Variants in MIGA2 observed in about 807,000 individuals in gnomAD.
MIGA2 encodes the protein mitoguardin 2.
MIGA2 carries 36 observed loss-of-function variants against 69.9 expected under a neutral mutation model. The ratio of observed to expected loss-of-function variants is 0.52; its 90% CI spans 0.39 to 0.68. The LOEUF (loss-of-function observed/expected upper bound fraction) is 0.68, where lower values mean the gene tolerates loss of function less well. MIGA2 is among the 30% of genes least tolerant of loss of function. The pLI is 0.00. For missense variants in MIGA2, 660 were observed against 787.7 expected (o/e 0.84, Z 1.94); for synonymous variants, 333 against 349.2 (o/e 0.95, Z 0.52).
At position 129,048,530 on chromosome 9, in the gene MIGA2, T is replaced by C. The variant is rs746150312; in HGVS notation, c.411T>C (p.Ser137=). Residue 137 remains serine, a synonymous_variant, in exon 4 of 16, where the codon AGT becomes AGC. Coordinates refer to ENST00000684074, the MANE Select transcript of MIGA2 (RefSeq NM_001329990.2). ...EPSKHSGSSH[S]VASMMAVNSS... ...GCAAGCACTCGGGCTCCTCCCACAG[T>C]GTGGCCTCGGTGAGCAGCAGGTGCC... is the stretch of plus-strand genomic sequence containing the variant. 23 of 1,613,888 alleles carry C rather than the reference T, an allele frequency of 1.4e-5. No individual in the cohort carries two copies. Among genetic ancestry groups the C allele is most frequent in the Non-Finnish European group, 1.9e-5 (23 of 1,179,810 alleles).
Position 129,068,780 on chromosome 9 carries a change from A to C in MIGA2, c.1405-296A>C. On this transcript the variant is annotated intron_variant, in intron 13 of 15. Transcript: ENST00000684074. This position sits in a 1 kb window ranked among gnomAD's most constrained non-coding sequence, Gnocchi z 4.1. Reference sequence around the variant, plus strand: ...TCTGCGAGGTGGTTTACAGGCGGGAACCATTGCTCCCACAACCACCAAAGG... The same window carrying C: ...TCTGCGAGGTGGTTTACAGGCGGGACCCATTGCTCCCACAACCACCAAAGG... 4.2e-6 allele frequency: 2 copies of C among 474,958 alleles called. No homozygotes were observed. Among genetic ancestry groups the C allele is most frequent in the Admixed American group, 3.5e-5 (1 of 28,756 alleles). The allele number at this position is 474,958 out of a possible 1,614,324, so 29.4% of individuals were successfully genotyped here. A position where few individuals can be genotyped will look rare whatever the true frequency, so the allele number is the denominator to read the frequency against.
At chr9:129,063,069 G>A in intron 9 of MIGA2, 175 bp from the exon 10 acceptor site, 2 of 630,372 alleles carry the variant, frequency 3.2e-6, no homozygotes, top group Non-Finnish European at 5.6e-6. Flanking sequence ...CCTTTGGCCT[G>A]GGAAGACCAA....
In MIGA2 at chr9:129,050,041, G is replaced by A. The variant is rs888023982; in HGVS notation, c.675+78G>A. ...GGAGAGGGGCGGCCACACCTTGGGA[G>A]GCAGGCAGTCTCCTGTCCTCTGAGA... is the stretch of plus-strand genomic sequence containing the variant. On this transcript the variant is annotated intron_variant, in intron 6 of 15. Coordinates refer to ENST00000684074, the MANE Select transcript of MIGA2 (RefSeq NM_001329990.2). 1.5e-5 allele frequency: 23 copies of A among 1,532,390 alleles called. No homozygotes were observed. The East Asian group carries it at 4.1e-4, about 27-fold the overall frequency. 94.9% of individuals were successfully genotyped at this position (1,532,390 alleles called of 1,614,324 possible).
rs374679529 is a variant in MIGA2 at position 129,069,164 on chromosome 9, G to A, written c.1458+35G>A. ...TGGCAGGCCCGGGGGAGCACGAGCTGGGCTCTGAGGCAGCGTGGTGGGGAG... is the reference window on the plus strand; with the variant it reads ...TGGCAGGCCCGGGGGAGCACGAGCTAGGCTCTGAGGCAGCGTGGTGGGGAG... On this transcript the variant is annotated intron_variant, in intron 14 of 15. Coordinates refer to ENST00000684074, the MANE Select transcript of MIGA2 (RefSeq NM_001329990.2). The surrounding 1 kb of genome is among the most constrained non-coding windows in gnomAD (Gnocchi z 4.9). 1 of 1,613,012 alleles carries A rather than the reference G, an allele frequency of 6.2e-7. No homozygotes were observed. Among genetic ancestry groups the A allele is most frequent in the African/African-American group, 1.3e-5 (1 of 74,916 alleles).
rs764543418 is a variant in MIGA2 at position 129,070,402 on chromosome 9, C to A, written c.1731C>A (p.Gly577=). The change falls in exon 16 of 16, where the codon GGC becomes GGA. Residue 577 remains glycine, a synonymous_variant. Coordinates refer to ENST00000684074, the MANE Select transcript of MIGA2 (RefSeq NM_001329990.2). ...YLGVPAASSA[G]VNGALPRENG... The stretch of plus-strand genomic sequence containing the variant: ...GGGTGCCCGCGGCCAGCAGCGCAGG[C>A]GTGAATGGGGCGCTGCCCCGAGAGA... 9 of 1,609,704 alleles carry A rather than the reference C, an allele frequency of 5.6e-6. No individual in the cohort carries two copies. The Admixed American group carries it at 1.3e-4, about 24-fold the overall frequency.
rs1236110189 is a variant in MIGA2, at chr9:129,060,584, G to A, written c.828G>A (p.Ser276=). The A allele has an allele frequency of 5.0e-6, 8 of 1,605,896 alleles. No homozygotes were observed. The East Asian group carries it at 6.7e-5, about 13-fold the overall frequency. The change falls in exon 8 of 16, where the codon TCG becomes TCA. Residue 276 remains serine, a synonymous_variant. Transcript: ENST00000684074. The surrounding 1 kb of genome is among the most constrained non-coding windows in gnomAD (Gnocchi z 4.8). ...TCATGCTGCCCCTGACCGAGGGCTC[G>A]CTGCGGCTGCGGGCGGACGATGAGG... ...RTLMLPLTEG[S]LRLRADDEDS... is the part of the protein sequence containing the mutation.
intron 3 of MIGA2, among the ~76,000 whole-genome samples, chr9:129,045,941 C>T (rs1376405511): frequency 6.6e-6 from 1 of 151,550 alleles, no homozygotes; most frequent in Non-Finnish European, 1.5e-5. Context: ...GCAACCTCCG[C>T]CTCCCGGGTT....
rs758689072 is a variant in MIGA2 at position 129,049,837 on chromosome 9, G to A, written c.549G>A (p.Leu183=). ...AESLYMQGME[L]FEEALQKWEQ... ...CTCACCTGTGCTCAGGCATGGAGCTGTTTGAGGAAGCTCTGCAGAAGTGGG... is the reference window on the plus strand; with the variant it reads ...CTCACCTGTGCTCAGGCATGGAGCTATTTGAGGAAGCTCTGCAGAAGTGGG... Residue 183 remains leucine, a synonymous_variant, in exon 6 of 16, where the codon CTG becomes CTA. Transcript: ENST00000684074. 7 of 1,614,010 alleles carry A rather than the reference G, an allele frequency of 4.3e-6. No homozygotes were observed. The South Asian group carries it at 5.5e-5, about 13-fold the overall frequency.
intron 6 of MIGA2, among the ~76,000 whole-genome samples, chr9:129,058,444 A>G (rs917954922): frequency 6.8e-6 from 1 of 147,794 alleles, no homozygotes; most frequent in South Asian, 2.1e-4. Context: ...ATTTTCAACT[A>G]TGTGGGCACA....
intron 2 of MIGA2, 91 bp downstream of exon 2, chr9:129,040,781 G>C (rs1392895777): frequency 8.2e-7 from 1 of 1,221,302 alleles, no homozygotes; most frequent in African/African-American, 1.5e-5. Flanking sequence ...CTGAGCCCTC[G>C]TTCTTGCTTT....
chr9:129,056,865 C>A (rs756400276), intron 6 of MIGA2, among the ~76,000 whole-genome samples: 37 of 152,170 alleles, frequency 2.4e-4, no homozygotes, highest in Middle Eastern at 3.4e-3. Flanking sequence ...GAAACCCCAC[C>A]TTTACTAAAA....
chr9:129,063,417 C>T (rs1320099880), intron 10 of MIGA2, 101 bp downstream of exon 10: 6 of 1,538,994 alleles, frequency 3.9e-6, no homozygotes, highest in East Asian at 4.5e-5. Context: ...CCTGGCCAGG[C>T]CTGCTCCCAC....
In MIGA2 at chr9:129,070,683, G is replaced by A. The variant is rs1169823033; in HGVS notation, c.*230G>A. On this transcript the variant is annotated 3_prime_UTR_variant, in exon 16 of 16. Transcript: ENST00000684074. Reference sequence around the variant, plus strand: ...GGGAGAGAAAGGCTGTGAGAGAGGGGGTTGTTGTGGAGAATTGGGACAGGC... The same window carrying A: ...GGGAGAGAAAGGCTGTGAGAGAGGGAGTTGTTGTGGAGAATTGGGACAGGC... 29 of 553,172 alleles carry A rather than the reference G, an allele frequency of 5.2e-5. No homozygotes were observed. The highest frequency in any genetic ancestry group is 9.7e-4 in the Middle Eastern group (2 of 2,072). 34.3% of individuals were successfully genotyped at this position (553,172 alleles called of 1,614,324 possible).
At chr9:129,064,757 T>C (rs1268916596) in intron 11 of MIGA2, among the ~76,000 whole-genome samples, 1 of 151,614 alleles carries the variant, frequency 6.6e-6, no homozygotes, top group Non-Finnish European at 1.5e-5. Context: ...TGCTGGTCTC[T>C]GCCCCAGGAA....
At chr9:129,067,989 T>C (rs1180338740) in intron 12 of MIGA2, 118 bp downstream of exon 12, 7 of 1,308,108 alleles carry the variant, frequency 5.4e-6, no homozygotes, top group Admixed American at 2.0e-5. Context: ...CCATCACTGC[T>C]CATAGTCCCC....
In MIGA2 at chr9:129,059,308, G is replaced by A; in HGVS notation, c.793+37G>A. On this transcript the variant is annotated intron_variant, in intron 7 of 15. Coordinates refer to ENST00000684074, the MANE Select transcript of MIGA2 (RefSeq NM_001329990.2). The surrounding 1 kb of genome is among the most constrained non-coding windows in gnomAD (Gnocchi z 5.6). Reference sequence around the variant, plus strand: ...CCAGTGCAGGTGGGGTGGGCGTGGAGGGTGGCAGGGATGGAGGTGAGGAGA... The same window carrying A: ...CCAGTGCAGGTGGGGTGGGCGTGGAAGGTGGCAGGGATGGAGGTGAGGAGA... 6.7e-7 allele frequency: 1 copy of A among 1,492,724 alleles called. No homozygotes were observed. The highest frequency in any genetic ancestry group is 9.1e-7 in the Non-Finnish European group (1 of 1,094,298). The allele number at this position is 1,492,724 out of a possible 1,614,324, so 92.5% of individuals were successfully genotyped here. A position where few individuals can be genotyped will look rare whatever the true frequency, so the allele number is the denominator to read the frequency against.
chr9:129,048,054 C>T (rs532011755), intron 3 of MIGA2, among the ~76,000 whole-genome samples: 22 of 152,254 alleles, frequency 1.4e-4, no homozygotes, highest in South Asian at 6.2e-4. Context: ...TAAAAGTTGT[C>T]GTCTCACATC....
intron 6 of MIGA2, among the ~76,000 whole-genome samples, chr9:129,058,854 G>C (rs1298835544): frequency 6.6e-6 from 1 of 152,144 alleles, no homozygotes; most frequent in East Asian, 1.9e-4. Flanking sequence ...GGTATGTCCA[G>C]TATGTGATCA....
At chr9:129,067,944 G>A (rs539000066) in intron 12 of MIGA2, 73 bp downstream of exon 12, 34 of 1,502,432 alleles carry the variant, frequency 2.3e-5, no homozygotes, top group East Asian at 9.6e-5. Flanking sequence ...TTCTTGTGCC[G>A]AGCTCTAGCT....
Sources: gnomAD v4.1 joint callset for allele counts (sites outside exome capture counted in the v4.1 genomes callset) on GRCh38, gnomAD v4.1.1 for gene constraint, Gnocchi (gnomAD v3.1) non-coding constraint, MANE v1.5 for transcripts, NCBI Gene and HGNC (gene_info 2026-07-23, HGNC 2026-07-21) for gene names.